The following ZKSCAN2 variants were observed in gnomAD, a reference collection of about 807,000 sequenced individuals.
The protein encoded by ZKSCAN2 is zinc finger with KRAB and SCAN domains 2, also known as zinc finger protein with KRAB and SCAN domains 2.
A neutral mutation model predicts 90.5 loss-of-function variants in ZKSCAN2; 38 were observed. That is an observed-to-expected ratio of 0.42 (90% CI 0.32 to 0.55). ZKSCAN2 has a LOEUF of 0.55. Ranked by LOEUF, ZKSCAN2 falls within the 20% of genes least tolerant of loss-of-function variation. The pLI is 0.11. For missense variants in ZKSCAN2, 1,167 were observed against 1,202.6 expected (o/e 0.97, Z 0.44); for synonymous variants, 429 against 421.6 (o/e 1.02, Z -0.22).
intron 4 of ZKSCAN2, among the ~76,000 whole-genome samples, chr16:25,251,331 A>G (rs1963017238): frequency 6.6e-6 from 1 of 152,190 alleles, no homozygotes; most frequent in Admixed American, 6.5e-5. Context: ...TATTACATGA[A>G]GGGGAAAAAT....
At chr16:25,246,536 T>C in intron 5 of ZKSCAN2, 171 bp downstream of exon 5, 1 of 662,490 alleles carries the variant, frequency 1.5e-6, no homozygotes, top group Non-Finnish European at 2.6e-6. Flanking sequence ...CTGACTGCAA[T>C]GGGGGCAGCA....
rs982680367 is a variant in ZKSCAN2, at chr16:25,257,596, C to A, written c.-469G>T. The A allele has an allele frequency of 1.8e-5, 15 of 816,958 alleles. No homozygotes were observed. Among genetic ancestry groups the A allele is most frequent in the Non-Finnish European group, 2.2e-5 (15 of 676,164 alleles). 50.6% of individuals were successfully genotyped at this position (816,958 alleles called of 1,614,324 possible). On this transcript the variant is annotated 5_prime_UTR_variant, in exon 1 of 7. Coordinates refer to ENST00000328086, the MANE Select transcript of ZKSCAN2 (RefSeq NM_001012981.5). The stretch of plus-strand genomic sequence containing the variant: ...GGCGCCAGGTTCCGGGCTCGGGTCA[C>A]CGCAGCACGTCCAGGCCGCCGCGGG...
intron 6 of ZKSCAN2, 130 bp downstream of exon 6, chr16:25,243,655 A>C: frequency 8.6e-7 from 1 of 1,161,550 alleles, no homozygotes; most frequent in Non-Finnish European, 1.2e-6. Context: ...CCTGTTCTTC[A>C]AGTAGCACAG....
intron 6 of ZKSCAN2, among the ~76,000 whole-genome samples, chr16:25,241,836 C>T (rs568533428): frequency 3.2e-4 from 49 of 152,284 alleles, no homozygotes; most frequent in African/African-American, 1.2e-3. Flanking sequence ...GGAGGGCAGC[C>T]ATCAATCAAT....
At position 25,247,245 on chromosome 16, in the gene ZKSCAN2, A is replaced by T; in HGVS notation, c.951T>A (p.Pro317=). Reference sequence around the variant, plus strand: ...TCCATGTTTTTCCTGCACTCCTTGCAGGGACCTGAATAGCATGAACTGACT... The same window carrying T: ...TCCATGTTTTTCCTGCACTCCTTGCTGGGACCTGAATAGCATGAACTGACT... ...KEKSVHAIQV[P]ARSAGKTWRE... Residue 317 remains proline (P), a synonymous_variant, in exon 5 of 7, where the codon CCT becomes CCA. Coordinates refer to ENST00000328086, the MANE Select transcript of ZKSCAN2 (RefSeq NM_001012981.5). 6.2e-7 allele frequency: 1 copy of T among 1,614,190 alleles called. No homozygotes were observed. The highest frequency in any genetic ancestry group is 8.5e-7 in the Non-Finnish European group (1 of 1,180,028).
At position 25,239,354 on chromosome 16, in the gene ZKSCAN2, T is replaced by C. The variant is rs989592316; in HGVS notation, c.*462A>G. 1 of 153,352 alleles carries C rather than the reference T, an allele frequency of 6.5e-6. No homozygotes were observed. Among genetic ancestry groups the C allele is most frequent in the Non-Finnish European group, 1.5e-5 (1 of 68,916 alleles). The allele number at this position is 153,352 out of a possible 1,614,324, so 9.5% of individuals were successfully genotyped here. A position where few individuals can be genotyped will look rare whatever the true frequency, so the allele number is the denominator to read the frequency against. On this transcript the variant is annotated 3_prime_UTR_variant, in exon 7 of 7. Coordinates refer to ENST00000328086, the MANE Select transcript of ZKSCAN2 (RefSeq NM_001012981.5). ...TTTGTGGATCTCTTCAAAACCAAGA[T>C]GGATTTGATGTAGTTCCGATCAGAC...
chr16:25,256,765 C>G lies in ZKSCAN2; in HGVS notation c.363G>C (p.Val121=), dbSNP rs199934411. Residue 121 remains valine, a synonymous_variant, in exon 1 of 7, where the codon GTG becomes GTC. Coordinates refer to ENST00000328086, the MANE Select transcript of ZKSCAN2 (RefSeq NM_001012981.5). ...QSGEEAVALV[V]HLEKETGRLR... The stretch of plus-strand genomic sequence containing the variant: ...GTCTTCCAGTCTCTTTCTCCAAATG[C>G]ACTACCAGGGCCACCGCTTCCTCTC... The G allele has an allele frequency of 2.7e-5, 43 of 1,613,692 alleles. No individual in the cohort carries two copies. Among genetic ancestry groups the G allele is most frequent in the Non-Finnish European group, 3.3e-5 (39 of 1,179,918 alleles).
At position 25,240,001 on chromosome 16, in the gene ZKSCAN2, T is replaced by G. The variant is rs752434222; in HGVS notation, c.2719A>C (p.Arg907=). ...NNCTRFREHR[R]IHTGEKPYGC... is the part of the protein sequence containing the mutation. ...TAGGGCTTCTCTCCAGTGTGTATTC[T>G]CCGATGTTCTCGAAATCTCGTACAG... The change falls in exon 7 of 7, where the codon AGA becomes CGA. Residue 907 remains arginine (R), a synonymous_variant. Transcript: ENST00000328086. 2 of 1,613,876 alleles carry G rather than the reference T, an allele frequency of 1.2e-6. No homozygotes were observed. Among genetic ancestry groups the G allele is most frequent in the South Asian group, 1.1e-5 (1 of 91,066 alleles).
rs28457260 is a variant in ZKSCAN2 at position 25,256,317 on chromosome 16, G to A, written c.399+412C>T. Among the ~76,000 whole-genome samples the A allele has an allele frequency of 1.5e-3, 229 of 151,772 alleles. 1 individual carries two copies. The highest frequency in any genetic ancestry group is 5.5e-3 in the African/African-American group (226 of 41,286). Reference sequence around the variant, plus strand: ...TGCAACAGTAAAACGCTTGGAGACGGCTCTGGGATAACGGATGAAGTCTTT... The same window carrying A: ...TGCAACAGTAAAACGCTTGGAGACGACTCTGGGATAACGGATGAAGTCTTT... On this transcript the variant is annotated intron_variant, in intron 1 of 6. Transcript: ENST00000328086.
At chr16:25,251,453 G>A (rs1440382717) in intron 4 of ZKSCAN2, among the ~76,000 whole-genome samples, 1 of 152,078 alleles carries the variant, frequency 6.6e-6, no homozygotes, top group Non-Finnish European at 1.5e-5. Flanking sequence ...AAAAACTTCT[G>A]AAGACATTTT....
In ZKSCAN2 at chr16:25,257,509, C is replaced by A. The variant is rs1963127739; in HGVS notation, c.-382G>T. The A allele has an allele frequency of 1.0e-6, 1 of 994,354 alleles. No homozygotes were observed. Among genetic ancestry groups the A allele is most frequent in the Non-Finnish European group, 1.2e-6 (1 of 836,370 alleles). The allele number at this position is 994,354 out of a possible 1,614,324, so 61.6% of individuals were successfully genotyped here. A position where few individuals can be genotyped will look rare whatever the true frequency, so the allele number is the denominator to read the frequency against. Reference sequence around the variant, plus strand: ...CCGGGAGGGGGTGTGTCCGCTACTCCCGGGTCGGGCGCGGAGAGGCGAGTC... The same window carrying A: ...CCGGGAGGGGGTGTGTCCGCTACTCACGGGTCGGGCGCGGAGAGGCGAGTC... On this transcript the variant is annotated 5_prime_UTR_variant, in exon 1 of 7. Transcript: ENST00000328086.
Position 25,255,147 on chromosome 16 carries a change from G to T in ZKSCAN2, c.586+59C>A. 1.3e-6 allele frequency: 2 copies of T among 1,518,806 alleles called. 1 individual carries two copies. Among genetic ancestry groups the T allele is most frequent in the South Asian group, 2.6e-5 (2 of 75,594 alleles). The allele number at this position is 1,518,806 out of a possible 1,614,324, so 94.1% of individuals were successfully genotyped here. A position where few individuals can be genotyped will look rare whatever the true frequency, so the allele number is the denominator to read the frequency against. Reference sequence around the variant, plus strand: ...TCCACTGCACATTCACAGCGTTGGGGTACTGCGGAAATCTGCCCCAGCCTC... The same window carrying T: ...TCCACTGCACATTCACAGCGTTGGGTTACTGCGGAAATCTGCCCCAGCCTC... On this transcript the variant is annotated intron_variant, in intron 2 of 6. Transcript: ENST00000328086.
chr16:25,242,744 C>T (rs1267122482), intron 6 of ZKSCAN2, among the ~76,000 whole-genome samples: 1 of 152,198 alleles, frequency 6.6e-6, no homozygotes, highest in African/African-American at 2.4e-5. Context: ...GACATGTAGA[C>T]TAGAAGAGTA....
chr16:25,253,708 C>T lies in ZKSCAN2; in HGVS notation c.587-671G>A, dbSNP rs1963055291. ...ATCTGCACAAATAGCCTTGCTATTTCCCTCTTAAAGATGAGAGGACTGGGT... is the reference window on the plus strand; with the variant it reads ...ATCTGCACAAATAGCCTTGCTATTTTCCTCTTAAAGATGAGAGGACTGGGT... On this transcript the variant is annotated intron_variant, in intron 2 of 6. Transcript: ENST00000328086. 2.0e-5 allele frequency among the ~76,000 whole-genome samples: 3 copies of T among 152,180 alleles called. 1 individual carries two copies. The highest frequency in any genetic ancestry group is 1.3e-4 in the Admixed American group (2 of 15,274).
At chr16:25,246,176 T>A (rs1042069657) in intron 5 of ZKSCAN2, 1 of 153,816 alleles carries the variant, frequency 6.5e-6, no homozygotes, top group African/African-American at 2.4e-5. Flanking sequence ...TAATTAATTA[T>A]ATATTTGGAT....
intron 4 of ZKSCAN2, among the ~76,000 whole-genome samples, chr16:25,250,208 C>G (rs1963000198): frequency 1.3e-5 from 2 of 152,086 alleles, no homozygotes; most frequent in Non-Finnish European, 2.9e-5. Context: ...ACTCGGGAGG[C>G]TGAGGCAGGA....
chr16:25,240,486 T>C lies in ZKSCAN2; in HGVS notation c.2234A>G (p.Lys745Arg), dbSNP rs780482313. ...ATATTTGAGAAGTCTGTAGGGTCTC[T>C]TCCCCACAAAAGGCCTCTGATGCAC... Reference protein sequence around the residue: ...AVVHQRPFVGKRPYRLLKYGE... With the variant: ...AVVHQRPFVGRRPYRLLKYGE... Residue 745 changes from lysine (K) to arginine (R), a missense_variant, in exon 7 of 7, where the codon AAG (lysine) becomes AGG (arginine). Coordinates refer to ENST00000328086, the MANE Select transcript of ZKSCAN2 (RefSeq NM_001012981.5). 53 of 1,614,060 alleles carry C rather than the reference T, an allele frequency of 3.3e-5. No individual in the cohort carries two copies. The highest frequency in any genetic ancestry group is 8.5e-7 in the Non-Finnish European group (1 of 1,180,030).
intron 2 of ZKSCAN2, 76 bp downstream of exon 2, chr16:25,255,130 A>G (rs1337663979): frequency 8.2e-6 from 12 of 1,462,898 alleles, no homozygotes; most frequent in Non-Finnish European, 1.1e-5. Flanking sequence ...CCTCCACTGC[A>G]CATTCACAGC....
At chr16:25,245,818 TTAC>T (rs2141363408) in intron 5 of ZKSCAN2, among the ~76,000 whole-genome samples, 1 of 151,774 alleles carries the variant, frequency 6.6e-6, no homozygotes, top group Non-Finnish European at 1.5e-5. Context: ...TAAAGAAACA[TTAC>T]TAATAACAGT....
Sources: gnomAD v4.1 joint callset for allele counts (sites outside exome capture counted in the v4.1 genomes callset) on GRCh38, gnomAD v4.1.1 for gene constraint, MANE v1.5 for transcripts, NCBI Gene and HGNC (gene_info 2026-07-23, HGNC 2026-07-21) for gene names.